Variants in GLRA1 observed in about 807,000 individuals in gnomAD.
The protein encoded by GLRA1 is glycine receptor subunit alpha-1.
A neutral mutation model predicts 48.3 loss-of-function variants in GLRA1; 37 were observed. The observed-to-expected ratio is 0.77, with a 90% CI of 0.59 to 1.01. The LOEUF is 1.01. Ranked by LOEUF, GLRA1 falls within the 50% of genes least tolerant of loss-of-function variation. The pLI is 0.00. For missense variants in GLRA1, 427 were observed against 571.0 expected (o/e 0.75, Z 2.57); for synonymous variants, 196 against 210.7 (o/e 0.93, Z 0.60).
chr5:151,849,333 C>A (rs1445697891), intron 7 of GLRA1, among the ~76,000 whole-genome samples: 1 of 107,414 alleles, frequency 9.3e-6, no homozygotes, highest in Admixed American at 1.1e-4. Flanking sequence ...TTCTCTCTCT[C>A]TCCCCCTTCC....
At chr5:151,840,012 A>G (rs1763672705) in intron 7 of GLRA1, among the ~76,000 whole-genome samples, 1 of 152,190 alleles carries the variant, frequency 6.6e-6, no homozygotes, top group Non-Finnish European at 1.5e-5. Flanking sequence ...TGAAATTGTA[A>G]TCCTCAGGGC....
chr5:151,917,190 G>T (rs960189943), intron 1 of GLRA1, among the ~76,000 whole-genome samples: 2 of 152,122 alleles, frequency 1.3e-5, no homozygotes, highest in Admixed American at 6.5e-5. Context: ...CAAACCTTTG[G>T]TCCAAGGAAG....
At chr5:151,833,796 C>CAAAAAGA (rs1763490942) in intron 7 of GLRA1, among the ~76,000 whole-genome samples, 1 of 64,778 alleles carries the variant, frequency 1.5e-5, no homozygotes, top group African/African-American at 6.3e-5. Context: ...AAGTGGAAAG[C>CAAAAAGA]AAAAAAAAAA....
chr5:151,893,505 G>C (rs144217097), intron 1 of GLRA1, among the ~76,000 whole-genome samples: 1,524 of 151,754 alleles, frequency 0.01, 25 homozygotes, highest in African/African-American at 0.031. Context: ...GCTCTCCCTC[G>C]CCTTGCCCCC....
chr5:151,855,322 A>T, intron 5 of GLRA1, 145 bp from the exon 6 acceptor site: 1 of 725,854 alleles, frequency 1.4e-6, no homozygotes, highest in Non-Finnish European at 2.4e-6. Flanking sequence ...TTCCTCTCAA[A>T]AGAGGTAAAA....
In GLRA1 at chr5:151,850,244, G is replaced by T. The variant is rs1267369663; in HGVS notation, c.912+1146C>A. ...CCTGCTTGTATGCTGGAGCCAAGAT[G>T]GTGGGTACTAATGCTGAGGTCATGC... On this transcript the variant is annotated intron_variant, in intron 7 of 8. Transcript: ENST00000274576. 15 of 1,604,654 alleles carry T rather than the reference G, an allele frequency of 9.3e-6. No individual in the cohort carries two copies. The East Asian group carries it at 2.7e-4, about 29-fold the overall frequency.
In GLRA1 at chr5:151,822,942, G is replaced by A. The variant is rs748241173; in HGVS notation, c.1081C>T (p.Arg361Cys). 6 of 1,608,780 alleles carry A rather than the reference G, an allele frequency of 3.7e-6. No homozygotes were observed. The highest frequency in any genetic ancestry group is 5.1e-6 in the Non-Finnish European group (6 of 1,176,326). The change falls in exon 9 of 9, where the codon CGC (arginine) becomes TGC (cysteine). Residue 361 changes from arginine (R) to cysteine (C), a missense_variant. Physicochemically the swap from Arg to Cys is radical, Grantham distance 180. Around this residue, in one of 4 missense-constraint regions of GLRA1, gnomAD observed 31 missense variants for 21.9 expected, o/e 1.41. Coordinates refer to ENST00000274576, the MANE Select transcript of GLRA1 (RefSeq NM_000171.4). ...ATCCCATAGGCAGAGAAGTTAAAGC[G>A]GCCTTCTCCAGCTTCATCCTCCTGG... ...HHKEDEAGEGRFNFSAYGMGP... is the reference protein window; with the variant it reads ...HHKEDEAGEGCFNFSAYGMGP...
chr5:151,924,697 G>T lies in GLRA1; in HGVS notation c.-148C>A. The T allele has an allele frequency of 1.4e-6, 1 of 722,176 alleles. No homozygotes were observed. 44.7% of individuals were successfully genotyped at this position (722,176 alleles called of 1,614,324 possible). On this transcript the variant is annotated 5_prime_UTR_variant, in exon 1 of 9. The change creates a new upstream start codon in the 5' untranslated region. Coordinates refer to ENST00000274576, the MANE Select transcript of GLRA1 (RefSeq NM_000171.4). ...ACAGGGGCGCGGAGGGAGAGCCCCAGGGGAAATTGGAGCGAGGGGGTCGTA... is the reference window on the plus strand; with the variant it reads ...ACAGGGGCGCGGAGGGAGAGCCCCATGGGAAATTGGAGCGAGGGGGTCGTA...
intron 7 of GLRA1, chr5:151,849,094 A>ATTTCT (rs745535157): frequency 8.4e-5 from 21 of 250,684 alleles, no homozygotes; most frequent in South Asian, 6.3e-4. Flanking sequence ...TTTCCTTTTT[A>ATTTCT]TTTCTTTTCT....
intron 3 of GLRA1, among the ~76,000 whole-genome samples, chr5:151,875,279 C>T (rs1753595049): frequency 6.6e-6 from 1 of 152,102 alleles, no homozygotes; most frequent in African/African-American, 2.4e-5. Context: ...CAAGTGATCT[C>T]CTCTCTCCTC....
intron 3 of GLRA1, among the ~76,000 whole-genome samples, chr5:151,874,945 A>C (rs1753586739): frequency 6.6e-6 from 1 of 152,112 alleles, no homozygotes; most frequent in African/African-American, 2.4e-5. Context: ...AGGGGAAGGA[A>C]GGAGACCAGT....
At chr5:151,901,349 G>GGC (rs2113435879) in intron 1 of GLRA1, among the ~76,000 whole-genome samples, 1 of 152,240 alleles carries the variant, frequency 6.6e-6, no homozygotes, top group East Asian at 1.9e-4. Flanking sequence ...AAGAATGCTT[G>GGC]GCTTAAGCAT....
At position 151,822,722 on chromosome 5, in the gene GLRA1, T is replaced by C; in HGVS notation, c.1301A>G (p.Tyr434Cys). The change falls in exon 9 of 9, where the codon TAC becomes TGC. Residue 434 changes from tyrosine (Y) to cysteine (C), a missense_variant. Tyr to Cys is a radical substitution (Grantham distance 194, BLOSUM62 -2). Around this residue, in one of 4 missense-constraint regions of GLRA1, gnomAD observed 121 missense variants for 96.5 expected, o/e 1.25. Transcript: ENST00000274576. ...ACGGACAATCTTGTAGATGATCCAGTAGAACATGTTGAAAATGAGGAAGGC... is the reference window on the plus strand; with the variant it reads ...ACGGACAATCTTGTAGATGATCCAGCAGAACATGTTGAAAATGAGGAAGGC... ...PMAFLIFNMF[Y>C]WIIYKIVRRE... 6.2e-7 allele frequency: 1 copy of C among 1,613,882 alleles called. No individual in the cohort carries two copies. Among genetic ancestry groups the C allele is most frequent in the Non-Finnish European group, 8.5e-7 (1 of 1,179,830 alleles).
intron 3 of GLRA1, among the ~76,000 whole-genome samples, chr5:151,864,928 C>A (rs967463744): frequency 6.6e-6 from 1 of 152,062 alleles, no homozygotes; most frequent in Non-Finnish European, 1.5e-5. Context: ...TATTTTATAT[C>A]TGGAAAGACT....
At chr5:151,898,588 G>GA (rs1252509469) in intron 1 of GLRA1, among the ~76,000 whole-genome samples, 1 of 151,944 alleles carries the variant, frequency 6.6e-6, no homozygotes, top group Non-Finnish European at 1.5e-5. Context: ...ACCATGAGCA[G>GA]AGAAGTCCAG....
rs60428483 is a variant in GLRA1, at chr5:151,855,016, G to A, written c.697+24C>T. 5,163 of 1,612,702 alleles carry A rather than the reference G, an allele frequency of 3.2e-3. 165 individuals carry two copies. In the African/African-American group the frequency reaches 0.06, roughly 19 times the overall value. The stretch of plus-strand genomic sequence containing the variant: ...TGGTCCTGGTTGGGGGGTGGGATCT[G>A]AGGAGGGTGGCCCTTGTACCTACCT... On this transcript the variant is annotated intron_variant, in intron 6 of 8. Coordinates refer to ENST00000274576, the MANE Select transcript of GLRA1 (RefSeq NM_000171.4).
At chr5:151,849,887 G>A (rs1752854452) in intron 7 of GLRA1, 2 of 1,491,618 alleles carry the variant, frequency 1.3e-6, no homozygotes, top group Non-Finnish European at 1.8e-6. Context: ...TTTACAGTCT[G>A]AAGGCTCCAA....
Position 151,822,878 on chromosome 5 carries a change from A to G in GLRA1, c.1145T>C (p.Val382Ala), listed in dbSNP as rs767291190. Residue 382 changes from valine to alanine, a missense_variant, in exon 9 of 9, where the codon GTC becomes GCC. Physicochemically the swap from Val to Ala is moderately conservative, Grantham distance 64 (BLOSUM62 0). Coordinates refer to ENST00000274576, the MANE Select transcript of GLRA1 (RefSeq NM_000171.4). ...GGTGTTACTGTTGTTGGCGCCCTTGACTGAGATGCCATCCTTGGCCTGTAG... is the reference window on the plus strand; with the variant it reads ...GGTGTTACTGTTGTTGGCGCCCTTGGCTGAGATGCCATCCTTGGCCTGTAG... ...ACLQAKDGIS[V>A]KGANNSNTTN... is the part of the protein sequence containing the mutation. 1.2e-6 allele frequency: 2 copies of G among 1,614,070 alleles called. No homozygotes were observed. The highest frequency in any genetic ancestry group is 1.7e-6 in the Non-Finnish European group (2 of 1,179,976).
intron 7 of GLRA1, among the ~76,000 whole-genome samples, chr5:151,841,332 G>A (rs1173375457): frequency 6.6e-6 from 1 of 151,984 alleles, no homozygotes; most frequent in Non-Finnish European, 1.5e-5. Context: ...CAACTAATGA[G>A]ATGCAGCTAA....
Sources: allele counts gnomAD v4.1 joint callset (sites outside exome capture counted in the v4.1 genomes callset), GRCh38; gene constraint gnomAD v4.1.1; regional missense constraint gnomAD v4.1.1; transcripts MANE v1.5; gene names NCBI Gene and HGNC (gene_info 2026-07-23, HGNC 2026-07-21).